The following NLK variants were observed in gnomAD, a reference collection of about 807,000 sequenced individuals.
NLK encodes the protein nemo like kinase.
A neutral mutation model predicts 59.0 loss-of-function variants in NLK; 11 were observed. The observed-to-expected ratio is 0.19, with a 90% confidence interval of 0.12 to 0.31. The LOEUF (loss-of-function observed/expected upper bound fraction) is 0.31. NLK is among the 10% of genes least tolerant of loss of function. NLK has a pLI of 1.00. For synonymous variants in NLK, 235 were observed against 235.9 expected (o/e 1.00, Z 0.03); for missense variants, 410 against 661.1 (o/e 0.62, Z 4.16).
chr17:28,063,734 C>T (rs1018789965), intron 1 of NLK, among the ~76,000 whole-genome samples: 2 of 151,950 alleles, frequency 1.3e-5, no homozygotes, highest in African/African-American at 2.4e-5. Context: ...TGGAGCTTTG[C>T]GACAAATAGG....
intron 3 of NLK, among the ~76,000 whole-genome samples, chr17:28,144,638 C>T (rs908445220): frequency 6.6e-6 from 1 of 152,168 alleles, no homozygotes; most frequent in African/African-American, 2.4e-5. Flanking sequence ...TGATTATTAA[C>T]CTCTTGACAT....
At chr17:28,119,635 G>A (rs1279651377) in intron 1 of NLK, among the ~76,000 whole-genome samples, 8 of 152,100 alleles carry the variant, frequency 5.3e-5, no homozygotes, top group Admixed American at 2.0e-4. Flanking sequence ...GGCAACCATC[G>A]TAATAATTGA....
chr17:28,103,754 A>C (rs560586051), intron 1 of NLK, among the ~76,000 whole-genome samples: 171 of 152,336 alleles, frequency 1.1e-3, no homozygotes, highest in Non-Finnish European at 1.8e-3. Flanking sequence ...AACGTAAGAG[A>C]TAGTGCCCAG....
At chr17:28,060,791 ACT>A (rs1189283824) in intron 1 of NLK, among the ~76,000 whole-genome samples, 2 of 152,198 alleles carry the variant, frequency 1.3e-5, no homozygotes, top group Admixed American at 6.5e-5. Flanking sequence ...ACACACACAC[ACT>A]CAAATTTTTT....
At chr17:28,162,059 A>C (rs1481202272) in intron 4 of NLK, among the ~76,000 whole-genome samples, 1 of 152,120 alleles carries the variant, frequency 6.6e-6, no homozygotes, top group East Asian at 1.9e-4. Context: ...TCTGTCGCCT[A>C]GGCTAGAGTG....
intron 1 of NLK, among the ~76,000 whole-genome samples, chr17:28,076,526 A>G (rs954269990): frequency 6.6e-6 from 1 of 152,214 alleles, no homozygotes. Context: ...ACAAATTTTC[A>G]GGGGACTCAC....
At chr17:28,203,164 TACACACACACACACAC>T in the NLK span, among the ~76,000 whole-genome samples, 2 of 136,928 alleles carry the variant, frequency 1.5e-5, no homozygotes, top group East Asian at 2.1e-4. Flanking sequence ...TATACATACA[TACACACACACACACAC>T]ACACACACAC....
intron 6 of NLK, among the ~76,000 whole-genome samples, chr17:28,169,037 C>A (rs1908356725): frequency 6.6e-6 from 1 of 152,126 alleles, no homozygotes; most frequent in Admixed American, 6.5e-5. Flanking sequence ...AGGCACGCTC[C>A]ACCACACCTG....
At chr17:28,048,235 C>T (rs994252618) in intron 1 of NLK, 1 of 338,206 alleles carries the variant, frequency 3.0e-6, no homozygotes, top group Non-Finnish European at 5.3e-6. Context: ...GGTTGAAACT[C>T]CATAGCCTAT....
intron 3 of NLK, among the ~76,000 whole-genome samples, chr17:28,143,920 T>C (rs757893477): frequency 6.6e-6 from 1 of 152,256 alleles, no homozygotes; most frequent in Non-Finnish European, 1.5e-5. Context: ...GACATATTTA[T>C]ACAACACCTT....
At chr17:28,113,359 G>A (rs556650661) in intron 1 of NLK, among the ~76,000 whole-genome samples, 62 of 152,318 alleles carry the variant, frequency 4.1e-4, no homozygotes, top group Non-Finnish European at 7.1e-4. Flanking sequence ...TAAAGTGAAA[G>A]CAAGTTTACT....
chr17:28,160,800 G>C (rs1907974061), intron 3 of NLK, among the ~76,000 whole-genome samples: 1 of 152,124 alleles, frequency 6.6e-6, no homozygotes, highest in Admixed American at 6.5e-5. Context: ...ATCCCCATTT[G>C]TTTGGATTCA....
chr17:28,102,700 A>G (rs1258571995), intron 1 of NLK, among the ~76,000 whole-genome samples: 8 of 151,716 alleles, frequency 5.3e-5, no homozygotes, highest in Admixed American at 5.3e-4. Flanking sequence ...TATTTCATGG[A>G]TTTGGGATAT....
chr17:28,199,665 C>CAAAAAAAAAAAAAAAAAAAAAAAAAAA (rs1303411168), downstream of NLK, among the ~76,000 whole-genome samples: 4 of 33,572 alleles, frequency 1.2e-4, no homozygotes, highest in African/African-American at 1.1e-4. Flanking sequence ...GACTCTGTCT[C>CAAAAAAAAAAAAAAAAAAAAAAAAAAA]AAAAAAAAAA....
chr17:28,043,062 T>G lies in NLK; in HGVS notation c.189T>G (p.Pro63=), dbSNP rs1008153677. 6.4e-7 allele frequency: 1 copy of G among 1,565,286 alleles called. No homozygotes were observed. Among genetic ancestry groups the G allele is most frequent in the African/African-American group, 1.4e-5 (1 of 73,610 alleles). ...LHPGSAAAVH[P]VQQHTSSAAA... ...CGGGGTCGGCTGCCGCTGTACACCC[T>G]GTACAGCAGCACACCTCTTCGGCAG... The change falls in exon 1 of 11, where the codon CCT becomes CCG. Residue 63 remains proline (P), a synonymous_variant. Transcript: ENST00000407008.
chr17:28,203,719 T>C, the NLK span, among the ~76,000 whole-genome samples: 1 of 152,128 alleles, frequency 6.6e-6, no homozygotes, highest in African/African-American at 2.4e-5. Flanking sequence ...GTATTTTTAG[T>C]AGAGATAGGG....
At chr17:28,108,672 A>T (rs937086018) in intron 1 of NLK, among the ~76,000 whole-genome samples, 1 of 152,252 alleles carries the variant, frequency 6.6e-6, no homozygotes, top group East Asian at 1.9e-4. Context: ...CTTTAATAGC[A>T]AGTATGAAAT....
chr17:28,185,265 A>C lies in NLK; in HGVS notation c.1236A>C (p.Pro412=). ...HLLCRMLVFD[P]SKRISAKDAL... is the part of the protein sequence containing the mutation. ...TTTGCAGGATGTTGGTCTTTGATCC[A>C]GTAAGTAGTGTTTTTTTTTATATAT... Residue 412 remains proline, a splice_region_variant and synonymous_variant, in exon 8 of 11, where the codon CCA becomes CCC. Coordinates refer to ENST00000407008, the MANE Select transcript of NLK (RefSeq NM_016231.5). 1.3e-6 allele frequency: 2 copies of C among 1,542,778 alleles called. No individual in the cohort carries two copies. Among genetic ancestry groups the C allele is most frequent in the Non-Finnish European group, 1.8e-6 (2 of 1,138,338 alleles).
At chr17:28,114,237 G>A (rs1192708969) in intron 1 of NLK, among the ~76,000 whole-genome samples, 1 of 152,132 alleles carries the variant, frequency 6.6e-6, no homozygotes, top group Non-Finnish European at 1.5e-5. Flanking sequence ...GTATAGATAT[G>A]CATATTCCTT....
Sources: gnomAD v4.1 joint callset for allele counts (sites outside exome capture counted in the v4.1 genomes callset) on GRCh38, gnomAD v4.1.1 for gene constraint, MANE v1.5 for transcripts, NCBI Gene and HGNC (gene_info 2026-07-23, HGNC 2026-07-21) for gene names.